The following NPM3 variants were observed in gnomAD, a reference collection of about 807,000 sequenced individuals.
The protein encoded by NPM3 is nucleophosmin/nucleoplasmin 3.
In NPM3, 12 loss-of-function variants were observed where a neutral mutation model predicts 18.1. The observed-to-expected ratio is 0.66, with a 90% CI of 0.42 to 1.07. The LOEUF (loss-of-function observed/expected upper bound fraction) is 1.07. NPM3 is among the 50% of genes least tolerant of loss of function. NPM3 has a pLI of 0.00. For synonymous variants in NPM3, 116 were observed against 93.7 expected (o/e 1.24, Z -1.38); for missense variants, 274 against 232.1 (o/e 1.18, Z -1.17).
At position 101,783,219 on chromosome 10, in the gene NPM3, A is replaced by T. The variant is rs1028875335; in HGVS notation, c.118+54T>A. On this transcript the variant is annotated intron_variant, in intron 1 of 5. Transcript: ENST00000370110. ...GAAACCCTCCGCATTCCCGCCTCAC[A>T]TCCCTACCTCTTACCGCCCCAGTAC... 236 of 1,320,898 alleles carry T rather than the reference A, an allele frequency of 1.8e-4. 1 individual carries two copies. The highest frequency in any genetic ancestry group is 6.2e-4 in the South Asian group (47 of 75,424). The allele number at this position is 1,320,898 out of a possible 1,614,324, so 81.8% of individuals were successfully genotyped here.
chr10:101,782,605 C>A lies in NPM3; in HGVS notation c.205-8G>T, dbSNP rs1242466659. On this transcript the variant is annotated splice_polypyrimidine_tract_variant and splice_region_variant and intron_variant, in intron 2 of 5. Transcript: ENST00000370110. Reference sequence around the variant, plus strand: ...TCCCTCGGTGAGGCAGAGCTGGGAACGGTACACAGGGCCTCAGGGTCTCCT... The same window carrying A: ...TCCCTCGGTGAGGCAGAGCTGGGAAAGGTACACAGGGCCTCAGGGTCTCCT... 1 of 1,613,550 alleles carries A rather than the reference C, an allele frequency of 6.2e-7. No individual in the cohort carries two copies. The highest frequency in any genetic ancestry group is 2.2e-5 in the East Asian group (1 of 44,876).
chr10:101,781,605 A>G, exon 6 of NPM3: 1 of 733,170 alleles, frequency 1.4e-6, no homozygotes, highest in Non-Finnish European at 2.0e-6. Context: ...AACAGGGTGC[A>G]TGGCGGTGCA....
intron 4 of NPM3, among the ~76,000 whole-genome samples, 196 bp downstream of exon 4, chr10:101,782,062 G>A (rs532064898): frequency 1.7e-4 from 26 of 152,320 alleles, no homozygotes; most frequent in African/African-American, 5.8e-4. Context: ...GTTGGGCCAT[G>A]TTCCATGGAG....
At chr10:101,781,446 C>T (rs1193703869) in exon 6 of NPM3, 5 of 431,990 alleles carry the variant, frequency 1.2e-5, no homozygotes, top group African/African-American at 1.0e-4. Context: ...GGAAGGGAGG[C>T]CCCGGGCATG....
chr10:101,782,748 G>A (rs1266922913), intron 2 of NPM3, 91 bp downstream of exon 2: 1 of 1,570,508 alleles, frequency 6.4e-7, no homozygotes, highest in Middle Eastern at 1.7e-4. Context: ...CTGAGGATGT[G>A]TCTCCAAGTA....
rs1197249315 is a variant in NPM3 at position 101,781,862 on chromosome 10, A to G, written c.419-8T>C. ...CATCATTGCTCATCGTAACTGGTGGACACACAAGCAGTAGAAGGATGGGGT... is the reference window on the plus strand; with the variant it reads ...CATCATTGCTCATCGTAACTGGTGGGCACACAAGCAGTAGAAGGATGGGGT... On this transcript the variant is annotated splice_polypyrimidine_tract_variant and splice_region_variant and intron_variant, in intron 4 of 5. Coordinates refer to ENST00000370110, the Ensembl canonical transcript of NPM3. The G allele has an allele frequency of 2.1e-5, 34 of 1,614,104 alleles. No homozygotes were observed. Among genetic ancestry groups the G allele is most frequent in the Non-Finnish European group, 2.7e-5 (32 of 1,180,010 alleles).
At position 101,781,713 on chromosome 10, in the gene NPM3, T is replaced by G; in HGVS notation, c.*9+14A>C. On this transcript the variant is annotated intron_variant, in intron 5 of 5. Transcript: ENST00000370110. ...CTTCCCAGAGCCTGCTAGGCACTTC[T>G]CCCCGCAACTCACCTAGGAGGGCTA... 1 of 1,612,116 alleles carries G rather than the reference T, an allele frequency of 6.2e-7. No homozygotes were observed. Among genetic ancestry groups the G allele is most frequent in the South Asian group, 1.1e-5 (1 of 90,952 alleles).
intron 4 of NPM3, 25 bp downstream of exon 4, chr10:101,782,233 G>A: frequency 1.3e-6 from 2 of 1,597,164 alleles, no homozygotes; most frequent in East Asian, 2.2e-5. Context: ...TGGAAGCAAA[G>A]GAGAGGGCCC....
intron 3 of NPM3, 37 bp from the exon 4 acceptor site, chr10:101,782,388 C>T: frequency 6.2e-7 from 1 of 1,608,190 alleles, no homozygotes; most frequent in Non-Finnish European, 8.5e-7. Context: ...TGGCCCACTC[C>T]TAGCCCACCC....
At chr10:101,783,439 G>C, upstream of NPM3, 1 of 1,430,298 alleles carries the variant, frequency 7.0e-7, no homozygotes, top group African/African-American at 1.4e-5. Flanking sequence ...ACAAAGCCGG[G>C]GACCCTCGGC....
chr10:101,782,478 C>T (rs2065149209), exon 3 of NPM3: 1 of 1,610,836 alleles, frequency 6.2e-7, no homozygotes, highest in Non-Finnish European at 8.5e-7. Flanking sequence ...GGGAACTCAC[C>T]ATGGGTTGGC....
chr10:101,783,400 GC>G, exon 1 of NPM3: 1 of 1,577,120 alleles, frequency 6.3e-7, no homozygotes, highest in Non-Finnish European at 8.6e-7. Flanking sequence ...TGCTGTAAGA[GC>G]CTTCTTCAAA....
intron 2 of NPM3, 74 bp from the exon 3 acceptor site, chr10:101,782,671 G>C: frequency 1.2e-6 from 2 of 1,604,308 alleles, no homozygotes; most frequent in Non-Finnish European, 1.7e-6. Context: ...ATCTACCCTA[G>C]CACCTGCCCA....
In NPM3 at chr10:101,782,295, GC is replaced by G; in HGVS notation, c.380del (p.Gly127AlafsTer16). The G allele has an allele frequency of 1.2e-6, 2 of 1,614,058 alleles. No individual in the cohort carries two copies. The highest frequency in any genetic ancestry group is 2.7e-5 in the African/African-American group (2 of 75,028). ...GCCCAGTGATCCGCACAGGGCCAGA[GC>G]CCGACTTCAGGCGGAAGGTTACAGG... On this transcript the variant is annotated frameshift_variant, in exon 4 of 6. Coordinates refer to ENST00000370110, the Ensembl canonical transcript of NPM3. LOFTEE classifies it high-confidence loss of function.
chr10:101,782,298 C>T (rs747904834), exon 4 of NPM3: 1 of 1,613,856 alleles, frequency 6.2e-7, no homozygotes, highest in Non-Finnish European at 8.5e-7. Context: ...GGCCAGAGCC[C>T]GACTTCAGGC....
exon 1 of NPM3, chr10:101,783,362 G>C (rs771563319): frequency 1.9e-6 from 3 of 1,611,978 alleles, no homozygotes; most frequent in Non-Finnish European, 2.5e-6. Context: ...ACTCAAAAAC[G>C]CTAAGGCAGC....
chr10:101,781,991 C>G, intron 4 of NPM3, 137 bp from the exon 5 acceptor site: 3 of 1,443,462 alleles, frequency 2.1e-6, no homozygotes, highest in Non-Finnish European at 2.9e-6. Context: ...GTGGGAAGAA[C>G]CTCAGACCCT....
At chr10:101,781,609 CGGTGCAT>C in exon 6 of NPM3, 1 of 788,576 alleles carries the variant, frequency 1.3e-6, no homozygotes, top group South Asian at 1.7e-5. Context: ...GGGTGCATGG[CGGTGCAT>C]GGCACATGGA....
chr10:101,782,313 G>T (rs746931269), exon 4 of NPM3: 1 of 1,614,060 alleles, frequency 6.2e-7, no homozygotes, highest in Non-Finnish European at 8.5e-7. Flanking sequence ...TCAGGCGGAA[G>T]GTTACAGGTG....
Sources: gnomAD v4.1 joint callset for allele counts (sites outside exome capture counted in the v4.1 genomes callset) on GRCh38, gnomAD v4.1.1 for gene constraint, MANE v1.5 for transcripts, NCBI Gene and HGNC (gene_info 2026-07-23, HGNC 2026-07-21) for gene names.